The following TPCN1 variants were observed in gnomAD, a reference collection of about 807,000 sequenced individuals.
TPCN1 encodes two pore channel protein 1.
In TPCN1, 52 loss-of-function variants were observed where a neutral mutation model predicts 108.8. The ratio of observed to expected loss-of-function variants is 0.48; its 90% confidence interval spans 0.38 to 0.60. TPCN1 has a LOEUF of 0.60. Among genes scored for constraint, TPCN1 ranks in the 20% least tolerant of loss-of-function variants. TPCN1 has a pLI of 0.00. For synonymous variants in TPCN1, 446 were observed against 433.7 expected, an observed-to-expected ratio of 1.03 and a Z score of -0.35; for missense variants, 806 against 1,072.8, an observed-to-expected ratio of 0.75 and a Z score of 3.47.
chr12:113,295,443 TAAA>T (rs61221998), intron 27 of TPCN1, among the ~76,000 whole-genome samples: 5 of 92,042 alleles, frequency 5.4e-5, no homozygotes, highest in Admixed American at 1.3e-4. Flanking sequence ...CTCTGTCTCC[TAAA>T]AAAAAAAAAA....
rs1276832505 is a variant in TPCN1, at chr12:113,241,758, C to CTGTG, written c.112+14796_112+14797insTGTG. Among the ~76,000 whole-genome samples, 177 of 119,720 alleles carry CTGTG rather than the reference C, an allele frequency of 1.5e-3. 1 individual carries two copies. Among genetic ancestry groups the CTGTG allele is most frequent in the African/African-American group, 6.1e-3 (171 of 27,954 alleles). The allele number at this position is 119,720 out of a possible 152,430, so 78.5% of individuals were successfully genotyped here. A position where few individuals can be genotyped will look rare whatever the true frequency, so the allele number is the denominator to read the frequency against. The stretch of plus-strand genomic sequence containing the variant: ...GGTAAACAGTGGCGTTTGCGTGCCT[C>CTGTG]TGCGTGTGTGTGTGTGTGTGTGTGT... On this transcript the variant is annotated intron_variant, in intron 2 of 27. Transcript: ENST00000335509.
At position 113,273,547 on chromosome 12, in the gene TPCN1, G is replaced by A. The variant is rs773272459; in HGVS notation, c.843-22G>A. The stretch of plus-strand genomic sequence containing the variant: ...TGGAGACAGGCAGATACAGCACGCC[G>A]GGTCACCCTCTGCAAATACAGTTTC... On this transcript the variant is annotated intron_variant, in intron 9 of 27. Transcript: ENST00000335509. The surrounding 1 kb of genome is among the most constrained non-coding windows in gnomAD (Gnocchi z 4.0). The A allele has an allele frequency of 1.4e-5, 23 of 1,591,162 alleles. No individual in the cohort carries two copies. Among genetic ancestry groups the A allele is most frequent in the East Asian group, 1.1e-4 (5 of 44,754 alleles).
At chr12:113,286,453 G>GGGCCGC (rs1956084865) in intron 18 of TPCN1, among the ~76,000 whole-genome samples, 1 of 151,864 alleles carries the variant, frequency 6.6e-6, no homozygotes. Flanking sequence ...CACGCAGAGC[G>GGGCCGC]GAGTTGGGAG....
intron 2 of TPCN1, among the ~76,000 whole-genome samples, chr12:113,248,485 G>A (rs527833202): frequency 7.5e-4 from 114 of 152,340 alleles, no homozygotes; most frequent in African/African-American, 2.5e-3. Flanking sequence ...CGCTTTGAGG[G>A]GACGGAGTGA....
chr12:113,235,771 A>G (rs1953868547), intron 2 of TPCN1, among the ~76,000 whole-genome samples: 1 of 152,116 alleles, frequency 6.6e-6, no homozygotes, highest in South Asian at 2.1e-4. Flanking sequence ...TGGCTTCCCA[A>G]GAAGGTGGAA....
At chr12:113,276,484 A>T (rs1036792507) in intron 10 of TPCN1, among the ~76,000 whole-genome samples, 10 of 152,084 alleles carry the variant, frequency 6.6e-5, no homozygotes, top group African/African-American at 2.4e-4. Flanking sequence ...GTCCTTCTGG[A>T]TCGGAGGTCA....
At chr12:113,270,151 G>A (rs370236894) in intron 7 of TPCN1, among the ~76,000 whole-genome samples, 165 of 152,090 alleles carry the variant, frequency 1.1e-3, no homozygotes, top group African/African-American at 3.4e-3. Flanking sequence ...AGCTGAGATC[G>A]TGCCACTGCT....
chr12:113,290,290 CT>C (rs1448277159), intron 22 of TPCN1, 47 bp downstream of exon 22: 1 of 1,231,044 alleles, frequency 8.1e-7, no homozygotes, highest in Non-Finnish European at 1.2e-6. Flanking sequence ...GGACCCCACC[CT>C]TGTCACCCTT....
chr12:113,254,810 C>T (rs1954772960), intron 2 of TPCN1, among the ~76,000 whole-genome samples: 1 of 152,144 alleles, frequency 6.6e-6, no homozygotes, highest in African/African-American at 2.4e-5. Flanking sequence ...GAAATCATCT[C>T]GAAGTAGACA....
intron 3 of TPCN1, among the ~76,000 whole-genome samples, chr12:113,262,933 A>G (rs61943604): frequency 0.092 from 13,930 of 152,176 alleles, 728 homozygotes; most frequent in East Asian, 0.21. Context: ...TCTGTGTGCT[A>G]TTGCATCACT....
chr12:113,282,294 C>T (rs1168533808), intron 15 of TPCN1, among the ~76,000 whole-genome samples: 2 of 151,280 alleles, frequency 1.3e-5, no homozygotes, highest in South Asian at 2.1e-4. Context: ...GATTTCCCCA[C>T]GTTGGCCAGG....
intron 10 of TPCN1, among the ~76,000 whole-genome samples, chr12:113,276,509 A>G (rs1404835686): frequency 6.6e-6 from 1 of 152,146 alleles, no homozygotes; most frequent in Admixed American, 6.5e-5. Flanking sequence ...GGCAGTGGGC[A>G]GGCAGCCTCC....
chr12:113,243,742 G>A lies in TPCN1; in HGVS notation c.113-16626G>A, dbSNP rs375636854. Among the ~76,000 whole-genome samples the A allele has an allele frequency of 3.6e-4, 55 of 152,214 alleles. 3 individuals are homozygous for A. In the South Asian group the frequency reaches 5.6e-3, roughly 16 times the overall value. Reference sequence around the variant, plus strand: ...GCACTCCAGCCTGAGCAACAAGAGTGAGACTCCATCTCAAAAATAAATAAA... The same window carrying A: ...GCACTCCAGCCTGAGCAACAAGAGTAAGACTCCATCTCAAAAATAAATAAA... On this transcript the variant is annotated intron_variant, in intron 2 of 27. Coordinates refer to ENST00000335509, the MANE Select transcript of TPCN1 (RefSeq NM_017901.6).
Position 113,268,895 on chromosome 12 carries a change from G to A in TPCN1, c.659+23G>A, listed in dbSNP as rs771612461. 6.2e-7 allele frequency: 1 copy of A among 1,613,128 alleles called. No individual in the cohort carries two copies. The highest frequency in any genetic ancestry group is 1.1e-5 in the South Asian group (1 of 90,990). On this transcript the variant is annotated intron_variant, in intron 6 of 27. Transcript: ENST00000335509. The surrounding 1 kb of genome is among the most constrained non-coding windows in gnomAD (Gnocchi z 7.3). Reference sequence around the variant, plus strand: ...GCGGTAAGGCCCGGGTGGGGAGCTGGGCAGTCACTATCCTGGCATGGCCTG... The same window carrying A: ...GCGGTAAGGCCCGGGTGGGGAGCTGAGCAGTCACTATCCTGGCATGGCCTG...
intron 2 of TPCN1, among the ~76,000 whole-genome samples, chr12:113,254,386 G>A (rs76385173): frequency 0.027 from 4,109 of 152,106 alleles, 94 homozygotes; most frequent in Non-Finnish European, 0.04. Flanking sequence ...AAGAAACCTC[G>A]GACCAACATT....
At position 113,273,575 on chromosome 12, in the gene TPCN1, A is replaced by G; in HGVS notation, c.849A>G (p.Pro283=). Residue 283 remains proline (P), a synonymous_variant, in exon 10 of 28, where the codon CCA becomes CCG. Transcript: ENST00000335509. This position sits in a 1 kb window ranked among gnomAD's most constrained non-coding sequence, Gnocchi z 4.0. ...LFVLLTTANF[P]DVMMPSYSRN... ...TCACCCTCTGCAAATACAGTTTCCCAGATGTGATGATGCCCTCCTACTCCC... is the reference window on the plus strand; with the variant it reads ...TCACCCTCTGCAAATACAGTTTCCCGGATGTGATGATGCCCTCCTACTCCC... 2 of 1,613,900 alleles carry G rather than the reference A, an allele frequency of 1.2e-6. No homozygotes were observed. Among genetic ancestry groups the G allele is most frequent in the East Asian group, 2.2e-5 (1 of 44,870 alleles).
chr12:113,246,170 TC>T (rs1954374758), intron 2 of TPCN1: 2 of 395,566 alleles, frequency 5.1e-6, no homozygotes, highest in Admixed American at 2.7e-5. Flanking sequence ...TTCAGCTGTT[TC>T]TTTCCACTCC....
chr12:113,287,377 C>T lies in TPCN1; in HGVS notation c.1634+283C>T, dbSNP rs1388087623. The T allele has an allele frequency of 2.4e-5, 10 of 419,506 alleles. No individual in the cohort carries two copies. The Admixed American group carries it at 4.1e-4, about 17-fold the overall frequency. The allele number at this position is 419,506 out of a possible 1,614,324, so 26.0% of individuals were successfully genotyped here. ...GGTGGCATTGCACCAGCGACAGGAG[C>T]CCATATGCTCAAGTCACAGATCACA... On this transcript the variant is annotated intron_variant, in intron 19 of 27. Coordinates refer to ENST00000335509, the MANE Select transcript of TPCN1 (RefSeq NM_017901.6).
At position 113,226,098 on chromosome 12, in the gene TPCN1, T is replaced by C. The variant is rs145658335; in HGVS notation, c.-125-630T>C. Among the ~76,000 whole-genome samples, 762 of 151,696 alleles carry C rather than the reference T, an allele frequency of 5.0e-3. 9 individuals carry two copies. Among genetic ancestry groups the C allele is most frequent in the African/African-American group, 0.017 (721 of 41,410 alleles). On this transcript the variant is annotated intron_variant, in intron 1 of 27. Transcript: ENST00000335509. ...CAACCAGCTTTTTTTTTTTTTAATT[T>C]TTTATAGAGACAAGGTCTTGCTATA...
Sources: allele counts gnomAD v4.1 joint callset (sites outside exome capture counted in the v4.1 genomes callset), GRCh38; gene constraint gnomAD v4.1.1; non-coding constraint Gnocchi (gnomAD v3.1); transcripts MANE v1.5; gene names NCBI Gene and HGNC (gene_info 2026-07-23, HGNC 2026-07-21).